Variants in SIAH1 observed in about 807,000 individuals in gnomAD.
SIAH1 encodes siah E3 ubiquitin protein ligase 1.
A neutral mutation model predicts 20.0 loss-of-function variants in SIAH1; 2 were observed. The observed-to-expected ratio is 0.10, with a 90% CI of 0.04 to 0.31. The LOEUF is 0.31. Among genes scored for constraint, SIAH1 ranks in the 10% least tolerant of loss-of-function variants. SIAH1 has a pLI of 1.00. For synonymous variants in SIAH1, 118 were observed against 125.3 expected, an observed-to-expected ratio of 0.94 and a Z score of 0.39; for missense variants, 119 against 355.3, an observed-to-expected ratio of 0.33 and a Z score of 5.35.
At chr16:48,378,169 T>C (rs1228592709) in intron 1 of SIAH1, among the ~76,000 whole-genome samples, 1 of 152,026 alleles carries the variant, frequency 6.6e-6, no homozygotes. Context: ...CTGACCAACA[T>C]GGAGAAACCC....
At chr16:48,385,149 G>T in intron 1 of SIAH1, 55 bp downstream of exon 1, 1 of 207,110 alleles carries the variant, frequency 4.8e-6, no homozygotes, top group South Asian at 4.6e-5. Context: ...CTGGGCGCCC[G>T]CCTGTCGGAG....
At chr16:48,370,391 C>T (rs1486022256) in intron 1 of SIAH1, among the ~76,000 whole-genome samples, 2 of 148,414 alleles carry the variant, frequency 1.3e-5, no homozygotes, top group African/African-American at 2.6e-5. Flanking sequence ...AAACACAGTT[C>T]TTCATTAATG....
intron 1 of SIAH1, among the ~76,000 whole-genome samples, chr16:48,382,176 T>C (rs965340445): frequency 6.6e-6 from 1 of 152,102 alleles, no homozygotes; most frequent in Non-Finnish European, 1.5e-5. Context: ...CAGGAGTTTG[T>C]GACCAGCCTA....
intron 1 of SIAH1, among the ~76,000 whole-genome samples, chr16:48,369,586 C>CA (rs1399375746): frequency 6.6e-6 from 1 of 151,658 alleles, no homozygotes; most frequent in East Asian, 1.9e-4. Context: ...AAAAAAAATA[C>CA]AAAAAAATTA....
chr16:48,370,225 G>C (rs1960948267), intron 1 of SIAH1, among the ~76,000 whole-genome samples: 1 of 152,176 alleles, frequency 6.6e-6, no homozygotes, highest in South Asian at 2.1e-4. Flanking sequence ...TTTCCCTTAA[G>C]TAGGAAGAGC....
At chr16:48,384,397 T>TAA (rs1387513765) in intron 1 of SIAH1, among the ~76,000 whole-genome samples, 48 of 152,244 alleles carry the variant, frequency 3.2e-4, no homozygotes, top group Middle Eastern at 3.4e-3. Flanking sequence ...AACCTACGCA[T>TAA]CGGAGTGGCC....
chr16:48,385,098 C>G (rs1187064245), intron 1 of SIAH1, 106 bp downstream of exon 1: 1 of 160,956 alleles, frequency 6.2e-6, no homozygotes, highest in African/African-American at 2.4e-5. Flanking sequence ...CTGCCCGCGC[C>G]CCGGCCGGGC....
In SIAH1 at chr16:48,361,283, TACA is replaced by T. The variant is rs1960580947; in HGVS notation, c.*294_*296del. ...AACTTTTTCAACAATACAATCAATC[TACA>T]ACAAACACAAAACTCAGAATTATTT... On this transcript the variant is annotated 3_prime_UTR_variant, in exon 2 of 2. Coordinates refer to ENST00000394725, the MANE Select transcript of SIAH1 (RefSeq NM_003031.4). The T allele has an allele frequency of 3.1e-6, 1 of 319,896 alleles. No individual in the cohort carries two copies. The highest frequency in any genetic ancestry group is 4.7e-5 in the Admixed American group (1 of 21,386). The allele number at this position is 319,896 out of a possible 1,614,324, so 19.8% of individuals were successfully genotyped here.
At chr16:48,372,906 T>C (rs1156361960) in intron 1 of SIAH1, among the ~76,000 whole-genome samples, 1 of 152,174 alleles carries the variant, frequency 6.6e-6, no homozygotes, top group Non-Finnish European at 1.5e-5. Context: ...TGTATTTAAA[T>C]TGCAAGTTTT....
At chr16:48,365,898 C>G (rs1960817409) in intron 1 of SIAH1, 1 of 1,232,526 alleles carries the variant, frequency 8.1e-7, no homozygotes, top group Non-Finnish European at 1.0e-6. Context: ...AGGAGCCTGC[C>G]TGCCGGGAGA....
intron 1 of SIAH1, among the ~76,000 whole-genome samples, chr16:48,367,296 A>G (rs1960867084): frequency 6.6e-6 from 1 of 152,258 alleles, no homozygotes; most frequent in South Asian, 2.1e-4. Context: ...TATACAACAA[A>G]AAGATGACTG....
intron 1 of SIAH1, among the ~76,000 whole-genome samples, chr16:48,367,637 C>CA (rs1491527036): frequency 6.6e-6 from 1 of 152,206 alleles, no homozygotes; most frequent in African/African-American, 2.4e-5. Flanking sequence ...ATCAATTAGT[C>CA]ACAGACTCAG....
chr16:48,370,055 A>G (rs1053995013), intron 1 of SIAH1, among the ~76,000 whole-genome samples: 1 of 152,236 alleles, frequency 6.6e-6, no homozygotes, highest in Admixed American at 6.5e-5. Context: ...GTCTTCTGCT[A>G]TTCAATGATG....
intron 1 of SIAH1, chr16:48,365,177 G>A (rs943244181): frequency 5.5e-5 from 29 of 529,812 alleles, no homozygotes; most frequent in South Asian, 4.9e-4. Flanking sequence ...GCGCCCTGCA[G>A]TAGGAACCAA....
intron 1 of SIAH1, among the ~76,000 whole-genome samples, chr16:48,375,794 G>C (rs1401701329): frequency 6.6e-6 from 1 of 152,198 alleles, no homozygotes; most frequent in Non-Finnish European, 1.5e-5. Flanking sequence ...CATGTATGTA[G>C]CATGTAATGA....
chr16:48,365,791 A>AG, intron 1 of SIAH1: 1 of 1,335,918 alleles, frequency 7.5e-7, no homozygotes. Context: ...TTCACTGGGT[A>AG]GGGTCCTGCC....
At chr16:48,368,134 G>C (rs1567370872) in intron 1 of SIAH1, among the ~76,000 whole-genome samples, 1 of 152,236 alleles carries the variant, frequency 6.6e-6, no homozygotes, top group Non-Finnish European at 1.5e-5. Context: ...GAGAAATGTA[G>C]TCAGATATGG....
intron 1 of SIAH1, among the ~76,000 whole-genome samples, chr16:48,366,469 G>T (rs980432328): frequency 3.3e-5 from 5 of 152,140 alleles, no homozygotes; most frequent in Admixed American, 1.3e-4. Flanking sequence ...AAAGTAGTAA[G>T]CACACTTCTG....
intron 1 of SIAH1, among the ~76,000 whole-genome samples, chr16:48,372,617 A>C (rs1273587877): frequency 6.6e-6 from 1 of 152,230 alleles, no homozygotes; most frequent in Non-Finnish European, 1.5e-5. Context: ...GGTCGATCTA[A>C]TAACATAAAT....
Sources: gnomAD v4.1 joint callset for allele counts (sites outside exome capture counted in the v4.1 genomes callset) on GRCh38, gnomAD v4.1.1 for gene constraint, MANE v1.5 for transcripts, NCBI Gene and HGNC (gene_info 2026-07-23, HGNC 2026-07-21) for gene names.